Variants in NPIPB9 observed in about 807,000 individuals in gnomAD.
NPIPB9 encodes nuclear pore complex interacting protein family member B9.
NPIPB9 carries 1 observed loss-of-function variant against 5.6 expected under a neutral mutation model. That is an observed-to-expected ratio of 0.18 (90% CI 0.06 to 0.84). The LOEUF is 0.84. Ranked by LOEUF, NPIPB9 falls within the 40% of genes least tolerant of loss-of-function variation. The pLI is 0.70. For synonymous variants in NPIPB9, 2 were observed against 12.5 expected, an observed-to-expected ratio of 0.16 and a Z score of 1.77; for missense variants, 3 against 39.1, an observed-to-expected ratio of 0.08 and a Z score of 2.46.
At chr16:28,765,985 C>CCCGT (rs1373568875) in intron 3 of NPIPB9, 97 bp from the exon 3 acceptor site, 1 of 367,444 alleles carries the variant, frequency 2.7e-6, no homozygotes, top group Non-Finnish European at 5.2e-6. Flanking sequence ...AACTCCTGAC[C>CCCGT]CCGTGATCCA....
chr16:28,763,664 C>A (rs1334633622), intron 3 of NPIPB9, among the ~76,000 whole-genome samples: 1 of 15,750 alleles, frequency 6.3e-5, no homozygotes, highest in Non-Finnish European at 1.0e-4. Flanking sequence ...TTTTCCTTTT[C>A]TCACCCCCGA....
intron 1 of NPIPB9, among the ~76,000 whole-genome samples, chr16:28,756,349 CGGGT>C (rs2048820158): frequency 8.0e-6 from 1 of 124,694 alleles, no homozygotes; most frequent in Admixed American, 8.6e-5. Context: ...GGATTACAGG[CGGGT>C]GCCACCATGC....
At chr16:28,765,768 T>TGA in intron 3 of NPIPB9, among the ~76,000 whole-genome samples, 1 of 101,440 alleles carries the variant, frequency 9.9e-6, no homozygotes. Flanking sequence ...TGTGTGTGTG[T>TGA]GTGTGTGACA....
At chr16:28,756,241 G>A (rs1420267647) in intron 1 of NPIPB9, among the ~76,000 whole-genome samples, 1 of 118,252 alleles carries the variant, frequency 8.5e-6, no homozygotes, top group Non-Finnish European at 1.8e-5. Context: ...ATTCCATTCT[G>A]TCACCCAGGC....
At chr16:28,756,244 A>C in intron 1 of NPIPB9, among the ~76,000 whole-genome samples, 1 of 123,390 alleles carries the variant, frequency 8.1e-6, no homozygotes, top group Admixed American at 9.1e-5. Context: ...CCATTCTGTC[A>C]CCCAGGCTGG....
chr16:28,759,154 C>CTT (rs1246723945), intron 2 of NPIPB9, among the ~76,000 whole-genome samples: 1 of 65,050 alleles, frequency 1.5e-5, no homozygotes, highest in Non-Finnish European at 3.4e-5. Context: ...GGTTTGATGA[C>CTT]TTTTTTTTTT....
rs1207972280 is a variant in NPIPB9 at position 28,753,527 on chromosome 16, T to TAC, written c.25+937_25+938dup. Among the ~76,000 whole-genome samples the TAC allele has an allele frequency of 4.9e-3, 200 of 40,642 alleles. 3 individuals are homozygous for TAC. The highest frequency in any genetic ancestry group is 0.031 in the East Asian group (70 of 2,242). The allele number at this position is 40,642 out of a possible 152,430, so 26.7% of individuals were successfully genotyped here. On this transcript the variant is annotated intron_variant, in intron 1 of 7. Coordinates refer to ENST00000550983, the Ensembl canonical transcript of NPIPB9. The stretch of plus-strand genomic sequence containing the variant: ...ATAGATACACACACACACACACACA[T>TAC]ACATACACACACACACACACACACA...
chr16:28,758,534 TCCCCTTCCCCTC>T (rs2048928988), intron 2 of NPIPB9: 1 of 7,264 alleles, frequency 1.4e-4, no homozygotes, highest in African/African-American at 5.2e-4. Flanking sequence ...CCCCTCCCCT[TCCCCTTCCCCTC>T]CCCCTCCCCT....
At position 28,769,659 on chromosome 16, in the gene NPIPB9, G is replaced by C. The variant is rs1306922006; in HGVS notation, c.591-929G>C. On this transcript the variant is annotated intron_variant, in intron 5 of 7. Transcript: ENST00000550983. The stretch of plus-strand genomic sequence containing the variant: ...ACAATGTTTAGACCCGGTAAATGCA[G>C]AAATAGAAACAAACGGTCAGAAGAC... 5.9e-6 allele frequency: 4 copies of C among 678,746 alleles called. No individual in the cohort carries two copies. In the East Asian group the frequency reaches 4.1e-4, roughly 69 times the overall value. 42.0% of individuals were successfully genotyped at this position (678,746 alleles called of 1,614,324 possible).
chr16:28,756,241 G>C (rs1420267647), intron 1 of NPIPB9, among the ~76,000 whole-genome samples: 1 of 118,252 alleles, frequency 8.5e-6, no homozygotes, highest in African/African-American at 3.0e-5. Context: ...ATTCCATTCT[G>C]TCACCCAGGC....
intron 3 of NPIPB9, among the ~76,000 whole-genome samples, chr16:28,765,701 G>A (rs369098151): frequency 4.3e-3 from 237 of 55,290 alleles, no homozygotes; most frequent in Non-Finnish European, 5.8e-3. Flanking sequence ...GTGAGCCACC[G>A]TGCCAGCCTC....
In NPIPB9 at chr16:28,752,528, A is replaced by G; in HGVS notation, c.-40A>G. The G allele has an allele frequency of 2.2e-6, 3 of 1,378,174 alleles. 1 individual carries two copies. The highest frequency in any genetic ancestry group is 2.3e-5 in the East Asian group (1 of 43,610). 85.4% of individuals were successfully genotyped at this position (1,378,174 alleles called of 1,614,324 possible). On this transcript the variant is annotated 5_prime_UTR_variant, in exon 1 of 8. Transcript: ENST00000550983. ...CAGTTCCTGTCGCATGACCAGAGCC[A>G]GTTCACCAAGGAGCTGCAGCAGCAT... is the stretch of plus-strand genomic sequence containing the variant.
chr16:28,760,686 T>C lies in NPIPB9; in HGVS notation c.112-1565T>C, dbSNP rs1293390631. On this transcript the variant is annotated intron_variant, in intron 2 of 7. Transcript: ENST00000550983. ...ATTTGTGAATGAAGTAATCTCTTCA[T>C]TGTATTTTTTTTTTTTTTACTTATG... Among the ~76,000 whole-genome samples, 40 of 43,046 alleles carry C rather than the reference T, an allele frequency of 9.3e-4. 17 individuals carry two copies. The highest frequency in any genetic ancestry group is 1.4e-3 in the Non-Finnish European group (34 of 24,984). The allele number at this position is 43,046 out of a possible 152,430, so 28.2% of individuals were successfully genotyped here.
chr16:28,752,426 A>G (rs1429168769), exon 1 of NPIPB9: 2 of 1,404,900 alleles, frequency 1.4e-6, no homozygotes, highest in East Asian at 5.0e-5. Context: ...TTTTTAAATT[A>G]TCTAATAGGT....
At chr16:28,767,478 G>T (rs1262761375) in intron 5 of NPIPB9, among the ~76,000 whole-genome samples, 1 of 28,858 alleles carries the variant, frequency 3.5e-5, no homozygotes, top group Non-Finnish European at 6.9e-5. Context: ...CCAATGTGCT[G>T]GGATTACAGG....
intron 3 of NPIPB9, among the ~76,000 whole-genome samples, chr16:28,765,131 G>A (rs1408204979): frequency 2.4e-5 from 1 of 42,064 alleles, no homozygotes; most frequent in African/African-American, 9.7e-5. Flanking sequence ...TTGAGACGGA[G>A]TCTCACTCTG....
intron 1 of NPIPB9, among the ~76,000 whole-genome samples, chr16:28,753,543 C>T (rs2048707428): frequency 1.4e-5 from 1 of 72,482 alleles, no homozygotes; most frequent in Admixed American, 1.6e-4. Flanking sequence ...CACACACACA[C>T]ACACACACAC....
At chr16:28,765,973 T>G in intron 3 of NPIPB9, 109 bp from the exon 3 acceptor site, 1 of 386,546 alleles carries the variant, frequency 2.6e-6, no homozygotes, top group Non-Finnish European at 4.9e-6. Context: ...AGGCTGGTCT[T>G]GAACTCCTGA....
At chr16:28,752,686 C>G (rs2151810589) in intron 1 of NPIPB9, 94 bp downstream of exon 1, 1 of 906,898 alleles carries the variant, frequency 1.1e-6, no homozygotes, top group South Asian at 1.4e-5. Flanking sequence ...CTGGGGGAAG[C>G]TTACGCAGTC....
Sources: allele counts gnomAD v4.1 joint callset (sites outside exome capture counted in the v4.1 genomes callset), GRCh38; gene constraint gnomAD v4.1.1; transcripts MANE v1.5; gene names NCBI Gene and HGNC (gene_info 2026-07-23, HGNC 2026-07-21).